DENND4B: variants seen among roughly 807,000 people sequenced by gnomAD.
The protein encoded by DENND4B is DENN domain-containing protein 4B.
Under a neutral mutation model 161.0 loss-of-function variants are expected in DENND4B, and 67 were observed. The observed-to-expected ratio is 0.42, with a 90% CI of 0.34 to 0.51. DENND4B has a LOEUF of 0.51. DENND4B is among the 20% of genes least tolerant of loss of function. DENND4B has a pLI of 0.08. For synonymous variants in DENND4B, 753 were observed against 813.8 expected (o/e 0.93, Z 1.27); for missense variants, 1,481 against 1,968.0 (o/e 0.75, Z 4.68).
chr1:153,945,894 C>T (rs2102083209), intron 1 of DENND4B, among the ~76,000 whole-genome samples: 1 of 152,376 alleles, frequency 6.6e-6, no homozygotes, highest in East Asian at 1.9e-4. Context: ...ACAGGGCCCA[C>T]TCCGGGTCCC....
Position 153,940,480 on chromosome 1 carries a change from G to A in DENND4B, c.1453C>T (p.Pro485Ser). The part of the protein sequence containing the change: ...IHSSYFDLHD[P>S]PADVICVDLD... ...TCTACACAGATGACATCAGCAGGCG[G>A]GTCATGCAGATCAAAGTAGCTGGAG... is the stretch of plus-strand genomic sequence containing the variant. Residue 485 changes from proline (P) to serine (S), a missense_variant, in exon 10 of 28, where the codon CCG becomes TCG. Coordinates refer to ENST00000361217, the MANE Select transcript of DENND4B (RefSeq NM_014856.3). This position sits in a 1 kb window ranked among gnomAD's most constrained non-coding sequence, Gnocchi z 5.6. 6.2e-7 allele frequency: 1 copy of A among 1,613,188 alleles called. No homozygotes were observed. The highest frequency in any genetic ancestry group is 8.5e-7 in the Non-Finnish European group (1 of 1,179,530).
Position 153,933,089 on chromosome 1 carries a change from A to G in DENND4B, c.3454-59T>C. On this transcript the variant is annotated intron_variant, in intron 21 of 27. Coordinates refer to ENST00000361217, the MANE Select transcript of DENND4B (RefSeq NM_014856.3). The surrounding 1 kb of genome is among the most constrained non-coding windows in gnomAD (Gnocchi z 5.7). ...TCTGGCCGCCAGCACTCTGGAGCCC[A>G]TGCCCCTTCCCCAGCCCCTCCCACC... The G allele has an allele frequency of 6.2e-7, 1 of 1,610,590 alleles. No homozygotes were observed.
At position 153,937,761 on chromosome 1, in the gene DENND4B, C is replaced by G. The variant is rs2102041877; in HGVS notation, c.2068G>C (p.Ala690Pro). Residue 690 changes from alanine to proline, a missense_variant, in exon 14 of 28, where the codon GCC becomes CCC. Ala to Pro is a conservative substitution (Grantham distance 27). This residue lies in a region of DENND4B where 806 missense variants were observed against 1,134.4 expected (regional missense o/e 0.71). Coordinates refer to ENST00000361217, the MANE Select transcript of DENND4B (RefSeq NM_014856.3). This position sits in a 1 kb window ranked among gnomAD's most constrained non-coding sequence, Gnocchi z 4.7. ...GTGGATTCACTGCCCTCTGGTAAGG[C>G]AGGCTCCTCGGGAGGTGTGATAAAG... ...TVFITPPEEP[A>P]LPEGSESTPQ... is the part of the protein sequence containing the mutation. The G allele has an allele frequency of 6.2e-7, 1 of 1,614,020 alleles. No homozygotes were observed. The highest frequency in any genetic ancestry group is 1.1e-5 in the South Asian group (1 of 91,086).
intron 24 of DENND4B, 108 bp from the exon 25 acceptor site, chr1:153,931,172 C>A: frequency 1.2e-6 from 1 of 848,026 alleles, no homozygotes; most frequent in Non-Finnish European, 1.9e-6. Context: ...CAGGACACAG[C>A]CAAAGAGAAG....
rs375299731 is a variant in DENND4B at position 153,939,585 on chromosome 1, A to G, written c.1819+4T>C. On this transcript the variant is annotated splice_donor_region_variant and intron_variant, in intron 12 of 27. Coordinates refer to ENST00000361217, the MANE Select transcript of DENND4B (RefSeq NM_014856.3). ...ATCTCCAAGCAGAGACAGGCCCTCT[A>G]TACCCTGCAGGAAGAAAAGGTTGTC... 42 of 1,604,524 alleles carry G rather than the reference A, an allele frequency of 2.6e-5. No homozygotes were observed. The East Asian group carries it at 4.0e-4, about 15-fold the overall frequency.
Position 153,940,904 on chromosome 1 carries a change from C to G in DENND4B, c.1326G>C (p.Ser442=), listed in dbSNP as rs767421834. ...ATGGGCCAGGCGGGGCGGCACTCACCGAGACGAGGGCCTCACAGACGCTGG... is the reference window on the plus strand; with the variant it reads ...ATGGGCCAGGCGGGGCGGCACTCACGGAGACGAGGGCCTCACAGACGCTGG... ...LLTSVCEALV[S]MIFPLHWQCP... is the part of the protein sequence containing the mutation. The change falls in exon 9 of 28, where the codon TCG becomes TCC. Residue 442 remains serine (S), a splice_region_variant and synonymous_variant. Transcript: ENST00000361217. This position sits in a 1 kb window ranked among gnomAD's most constrained non-coding sequence, Gnocchi z 5.6. The G allele has an allele frequency of 6.4e-7, 1 of 1,567,192 alleles. No individual in the cohort carries two copies. Among genetic ancestry groups the G allele is most frequent in the Non-Finnish European group, 8.6e-7 (1 of 1,160,232 alleles).
At position 153,934,828 on chromosome 1, in the gene DENND4B, T is replaced by TG; in HGVS notation, c.2704dup (p.Gln902ProfsTer62). On this transcript the variant is annotated frameshift_variant, in exon 18 of 28. Coordinates refer to ENST00000361217, the MANE Select transcript of DENND4B (RefSeq NM_014856.3). LOFTEE classifies it high-confidence loss of function. The surrounding 1 kb of genome is among the most constrained non-coding windows in gnomAD (Gnocchi z 5.3). ...CTGCTGCTGCTGCTGCTGCTGCTGC[T>TG]GTTGCTGCTGCTGCTGCTGTTGCCG... is the stretch of plus-strand genomic sequence containing the variant. 1 of 1,353,096 alleles carries TG rather than the reference T, an allele frequency of 7.4e-7. No individual in the cohort carries two copies. The allele number at this position is 1,353,096 out of a possible 1,614,324, so 83.8% of individuals were successfully genotyped here. A position where few individuals can be genotyped will look rare whatever the true frequency, so the allele number is the denominator to read the frequency against.
chr1:153,936,966 T>C lies in DENND4B; in HGVS notation c.2233-218A>G, dbSNP rs1003062968. On this transcript the variant is annotated intron_variant, in intron 15 of 27. Transcript: ENST00000361217. This position sits in a 1 kb window ranked among gnomAD's most constrained non-coding sequence, Gnocchi z 4.1. ...CACCACCAAGCCCGACTGATTGTTT[T>C]GTACTTTTTGTAAAGACAAGGTTTT... is the stretch of plus-strand genomic sequence containing the variant. Among the ~76,000 whole-genome samples, 1 of 152,234 alleles carries C rather than the reference T, an allele frequency of 6.6e-6. No homozygotes were observed. Among genetic ancestry groups the C allele is most frequent in the African/African-American group, 2.4e-5 (1 of 41,450 alleles).
Position 153,934,764 on chromosome 1 carries a change from C to G in DENND4B, c.2769G>C (p.Gln923His), listed in dbSNP as rs1235118537. 1 of 1,612,126 alleles carries G rather than the reference C, an allele frequency of 6.2e-7. No homozygotes were observed. The highest frequency in any genetic ancestry group is 1.3e-5 in the African/African-American group (1 of 74,894). The change falls in exon 18 of 28, where the codon CAG (glutamine) becomes CAC (histidine). Residue 923 changes from glutamine to histidine, a missense_variant. This residue lies in a region of DENND4B where 339 missense variants were observed against 330.3 expected (regional missense o/e 1.03). Coordinates refer to ENST00000361217, the MANE Select transcript of DENND4B (RefSeq NM_014856.3). This position sits in a 1 kb window ranked among gnomAD's most constrained non-coding sequence, Gnocchi z 5.3. ...VSAHQEAGSSQAEPYLERPSP... is the reference protein window; with the variant it reads ...VSAHQEAGSSHAEPYLERPSP... ...GTCTCACCAGGCCCTACCCACCTGCCTGGGAGCTGCCTGCCTCTTGATGTG... is the reference window on the plus strand; with the variant it reads ...GTCTCACCAGGCCCTACCCACCTGCGTGGGAGCTGCCTGCCTCTTGATGTG...
rs1679614277 is a variant in DENND4B, at chr1:153,940,663, C to T, written c.1327-57G>A. The T allele has an allele frequency of 1.9e-6, 3 of 1,576,122 alleles. No homozygotes were observed. Among genetic ancestry groups the T allele is most frequent in the South Asian group, 2.3e-5 (2 of 86,446 alleles). Reference sequence around the variant, plus strand: ...AGGGGGTTGAGGCAGCAGTGGGAGGCACAGGAGAGAGAAAGAGAGGGCATT... The same window carrying T: ...AGGGGGTTGAGGCAGCAGTGGGAGGTACAGGAGAGAGAAAGAGAGGGCATT... On this transcript the variant is annotated intron_variant, in intron 9 of 27. Transcript: ENST00000361217. This position sits in a 1 kb window ranked among gnomAD's most constrained non-coding sequence, Gnocchi z 5.6.
In DENND4B at chr1:153,940,121, A is replaced by G. The variant is rs1401972016; in HGVS notation, c.1603+35T>C. On this transcript the variant is annotated intron_variant, in intron 11 of 27. Transcript: ENST00000361217. The surrounding 1 kb of genome is among the most constrained non-coding windows in gnomAD (Gnocchi z 5.6). ...AAACTGGAGGTTTGAGGGCAATGACAGTTCCCAGCCTCCCTCCCCACCCAG... is the reference window on the plus strand; with the variant it reads ...AAACTGGAGGTTTGAGGGCAATGACGGTTCCCAGCCTCCCTCCCCACCCAG... 3 of 1,514,198 alleles carry G rather than the reference A, an allele frequency of 2.0e-6. No homozygotes were observed. The highest frequency in any genetic ancestry group is 2.8e-5 in the African/African-American group (2 of 71,542). The allele number at this position is 1,514,198 out of a possible 1,614,324, so 93.8% of individuals were successfully genotyped here.
rs576977763 is a variant in DENND4B at position 153,935,951 on chromosome 1, T to C, written c.2568+109A>G. Reference sequence around the variant, plus strand: ...TGTGGATGACAGTGGTTCCAGGACCTAGGCAAACAGTACCAGCCCAATCTC... The same window carrying C: ...TGTGGATGACAGTGGTTCCAGGACCCAGGCAAACAGTACCAGCCCAATCTC... On this transcript the variant is annotated intron_variant, in intron 17 of 27. Transcript: ENST00000361217. 2.1e-5 allele frequency: 29 copies of C among 1,410,424 alleles called. 1 individual carries two copies. In the South Asian group the frequency reaches 3.7e-4, roughly 18 times the overall value. 87.4% of individuals were successfully genotyped at this position (1,410,424 alleles called of 1,614,324 possible).
At position 153,934,802 on chromosome 1, in the gene DENND4B, CCTGCTGCTGCTG is replaced by C. The variant is rs3835302; in HGVS notation, c.2719_2730del (p.Gln907_Gln910del). The C allele has an allele frequency of 1.2e-5, 19 of 1,577,488 alleles. No individual in the cohort carries two copies. Among genetic ancestry groups the C allele is most frequent in the Admixed American group, 1.7e-5 (1 of 57,666 alleles). On this transcript the variant is annotated inframe_deletion, in exon 18 of 28. Coordinates refer to ENST00000361217, the MANE Select transcript of DENND4B (RefSeq NM_014856.3). This position sits in a 1 kb window ranked among gnomAD's most constrained non-coding sequence, Gnocchi z 5.3. ...GCCTCTTGATGTGCTGACACCTGCT[CCTGCTGCTGCTG>C]CTGCTGCTGCTGCTGTTGCTGCTGC...
At chr1:153,945,571 CA>C (rs1679914288) in intron 1 of DENND4B, among the ~76,000 whole-genome samples, 1 of 151,928 alleles carries the variant, frequency 6.6e-6, no homozygotes, top group South Asian at 2.1e-4. Flanking sequence ...CACACACACA[CA>C]CACGCACACA....
rs892680017 is a variant in DENND4B at position 153,935,110 on chromosome 1, C to G, written c.2569-146G>C. The G allele has an allele frequency of 2.1e-6, 3 of 1,443,290 alleles. No individual in the cohort carries two copies. The Admixed American group carries it at 7.9e-5, about 38-fold the overall frequency. 89.4% of individuals were successfully genotyped at this position (1,443,290 alleles called of 1,614,324 possible). A position where few individuals can be genotyped will look rare whatever the true frequency, so the allele number is the denominator to read the frequency against. Reference sequence around the variant, plus strand: ...GTCCGGCCAATGGCTCAGCCAGGAACAAGAGCCCAGAAGAGACAGTAGGCA... The same window carrying G: ...GTCCGGCCAATGGCTCAGCCAGGAAGAAGAGCCCAGAAGAGACAGTAGGCA... On this transcript the variant is annotated intron_variant, in intron 17 of 27. Coordinates refer to ENST00000361217, the MANE Select transcript of DENND4B (RefSeq NM_014856.3).
chr1:153,936,636 T>C lies in DENND4B; in HGVS notation c.2345A>G (p.Tyr782Cys), dbSNP rs1340130577. Residue 782 changes from tyrosine (Y) to cysteine (C), a missense_variant, in exon 16 of 28, where the codon TAT becomes TGT. This residue lies in a region of DENND4B where 806 missense variants were observed against 1,134.4 expected (regional missense o/e 0.71). Coordinates refer to ENST00000361217, the MANE Select transcript of DENND4B (RefSeq NM_014856.3). The surrounding 1 kb of genome is among the most constrained non-coding windows in gnomAD (Gnocchi z 4.1). ...YGLWFLCLPAYVRSAPSRVQA... is the reference protein window; with the variant it reads ...YGLWFLCLPACVRSAPSRVQA... ...CACTCGGGAGGGTGCCGACCGCACA[T>C]AGGCAGGCAGACACAGGAACCACAG... The C allele has an allele frequency of 2.5e-6, 4 of 1,613,398 alleles. No homozygotes were observed. Among genetic ancestry groups the C allele is most frequent in the Non-Finnish European group, 3.4e-6 (4 of 1,179,686 alleles).
chr1:153,941,980 C>T lies in DENND4B; in HGVS notation c.944G>A (p.Arg315Gln), dbSNP rs778824430. 1.2e-5 allele frequency: 20 copies of T among 1,612,260 alleles called. No homozygotes were observed. Among genetic ancestry groups the T allele is most frequent in the African/African-American group, 1.1e-4 (8 of 75,014 alleles). Reference sequence around the variant, plus strand: ...GCGGGACAGCACAGCGATGGCACGCCGGCTGCGCACAGCTCTGCCCCCCAG... The same window carrying T: ...GCGGGACAGCACAGCGATGGCACGCTGGCTGCGCACAGCTCTGCCCCCCAG... ...RALGGRAVRS[R>Q]RAIAVLSRWP... is the part of the protein sequence containing the mutation. The change falls in exon 6 of 28, where the codon CGG becomes CAG. Residue 315 changes from arginine (R) to glutamine (Q), a missense_variant. Physicochemically the swap from Arg to Gln is conservative, Grantham distance 43 (BLOSUM62 1). Transcript: ENST00000361217.
At chr1:153,945,203 C>A in intron 1 of DENND4B, 2 of 1,286,970 alleles carry the variant, frequency 1.6e-6, no homozygotes, top group South Asian at 2.5e-5. Flanking sequence ...GGTGCAGAAG[C>A]TGGGAAAAAG....
At chr1:153,931,687 G>A (rs375130241) in intron 24 of DENND4B, among the ~76,000 whole-genome samples, 17 of 151,260 alleles carry the variant, frequency 1.1e-4, no homozygotes, top group East Asian at 3.9e-4. Flanking sequence ...TTAGTAACAC[G>A]GGGTTTCACC....
Sources: allele counts gnomAD v4.1 joint callset (sites outside exome capture counted in the v4.1 genomes callset), GRCh38; gene constraint gnomAD v4.1.1; regional missense constraint gnomAD v4.1.1; non-coding constraint Gnocchi (gnomAD v3.1); transcripts MANE v1.5; gene names NCBI Gene and HGNC (gene_info 2026-07-23, HGNC 2026-07-21).